Variants in UPF1 observed in about 807,000 individuals in gnomAD.
UPF1 encodes the protein regulator of nonsense transcripts 1.
UPF1 carries 9 observed loss-of-function variants against 129.2 expected under a neutral mutation model. That is an observed-to-expected ratio of 0.07 (90% CI 0.04 to 0.12). The LOEUF is 0.12. UPF1 is among the 10% of genes least tolerant of loss of function. The pLI, the probability that UPF1 is intolerant of heterozygous loss-of-function variation, is 1.00. For synonymous variants in UPF1, 649 were observed against 644.9 expected (o/e 1.01, Z -0.10); for missense variants, 788 against 1,525.3 (o/e 0.52, Z 8.05).
chr19:18,858,408 G>A (rs2055741336), intron 15 of UPF1, among the ~76,000 whole-genome samples: 1 of 152,112 alleles, frequency 6.6e-6, no homozygotes, highest in Non-Finnish European at 1.5e-5. Flanking sequence ...ACCATTGCCA[G>A]TGAAATGTGT....
Position 18,832,156 on chromosome 19 carries a change from C to T in UPF1, c.-54C>T, listed in dbSNP as rs2055432060. ...GCCTGCGGCCTAGGCCTCAGCGCGG[C>T]GGCGGGCTCGAGTGCAGCGCGGAAC... is the stretch of plus-strand genomic sequence containing the variant. On this transcript the variant is annotated 5_prime_UTR_variant, in exon 1 of 24. Transcript: ENST00000262803. This position sits in a 1 kb window ranked among gnomAD's most constrained non-coding sequence, Gnocchi z 5.6. 3.4e-6 allele frequency: 5 copies of T among 1,466,464 alleles called. No individual in the cohort carries two copies. Among genetic ancestry groups the T allele is most frequent in the East Asian group, 3.0e-5 (1 of 33,636 alleles). The allele number at this position is 1,466,464 out of a possible 1,614,324, so 90.8% of individuals were successfully genotyped here. A position where few individuals can be genotyped will look rare whatever the true frequency, so the allele number is the denominator to read the frequency against.
intron 19 of UPF1, among the ~76,000 whole-genome samples, chr19:18,863,885 G>A (rs549554704): frequency 6.6e-6 from 1 of 152,290 alleles, no homozygotes; most frequent in Admixed American, 6.5e-5. Flanking sequence ...CCTTGGACAC[G>A]GGCAGTTGGA....
chr19:18,857,984 T>G (rs1245133818), intron 15 of UPF1, among the ~76,000 whole-genome samples: 1 of 152,198 alleles, frequency 6.6e-6, no homozygotes, highest in Non-Finnish European at 1.5e-5. Flanking sequence ...CTCACACTGC[T>G]GGTGACCCCC....
chr19:18,836,389 T>TC (rs2055483473), intron 1 of UPF1, among the ~76,000 whole-genome samples: 1 of 152,216 alleles, frequency 6.6e-6, no homozygotes, highest in Non-Finnish European at 1.5e-5. Flanking sequence ...AAACTATTGA[T>TC]ACCTGCAACA....
chr19:18,836,699 T>C (rs910125412), intron 1 of UPF1, among the ~76,000 whole-genome samples: 1 of 152,016 alleles, frequency 6.6e-6, no homozygotes, highest in Non-Finnish European at 1.5e-5. Flanking sequence ...ATGTCAGTTA[T>C]GCCTCAATGA....
intron 15 of UPF1, among the ~76,000 whole-genome samples, chr19:18,858,188 T>A (rs2055739265): frequency 6.6e-6 from 1 of 152,216 alleles, no homozygotes; most frequent in Non-Finnish European, 1.5e-5. Context: ...CCCTGGGTAT[T>A]CACCCCAAGG....
intron 1 of UPF1, among the ~76,000 whole-genome samples, chr19:18,840,966 T>A (rs1028121783): frequency 6.6e-6 from 1 of 152,202 alleles, no homozygotes; most frequent in African/African-American, 2.4e-5. Flanking sequence ...CATGGCATCT[T>A]CCTGAAGCAT....
At chr19:18,860,137 G>A in intron 15 of UPF1, 184 bp from the exon 16 acceptor site, 3 of 637,456 alleles carry the variant, frequency 4.7e-6, no homozygotes, top group Admixed American at 2.5e-5. Flanking sequence ...CCTCAGCCTT[G>A]CCCAATCCTG....
chr19:18,842,240 C>T (rs1227702925), intron 1 of UPF1, among the ~76,000 whole-genome samples: 1 of 152,172 alleles, frequency 6.6e-6, no homozygotes, highest in South Asian at 2.1e-4. Context: ...CACGTGCAGT[C>T]ATTAACTGGG....
At chr19:18,863,261 G>T in intron 18 of UPF1, 177 bp from the exon 19 acceptor site, 1 of 763,680 alleles carries the variant, frequency 1.3e-6, no homozygotes, top group Non-Finnish European at 2.1e-6. Context: ...TGCAGGGTCA[G>T]TGGCTTGGCA....
chr19:18,843,518 G>GTTTTTT (rs35934501), intron 1 of UPF1, among the ~76,000 whole-genome samples: 3 of 124,022 alleles, frequency 2.4e-5, no homozygotes, highest in Non-Finnish European at 3.2e-5. Flanking sequence ...GACTTTCTTT[G>GTTTTTT]TTTTTTTTTT....
At chr19:18,844,552 C>T (rs995621934) in intron 1 of UPF1, among the ~76,000 whole-genome samples, 5 of 151,078 alleles carry the variant, frequency 3.3e-5, no homozygotes, top group Admixed American at 2.6e-4. Context: ...AGGCTGGTCT[C>T]GAACTCCTGA....
At position 18,832,238 on chromosome 19, in the gene UPF1, C is replaced by T; in HGVS notation, c.29C>T (p.Ser10Leu). 6.5e-7 allele frequency: 1 copy of T among 1,549,022 alleles called. No homozygotes were observed. The highest frequency in any genetic ancestry group is 8.7e-7 in the Non-Finnish European group (1 of 1,147,284). The change falls in exon 1 of 24, where the codon TCG (serine) becomes TTG (leucine). Residue 10 changes from serine to leucine, a missense_variant. Around this residue, in one of 6 missense-constraint regions of UPF1, gnomAD observed 112 missense variants for 128.2 expected, o/e 0.87. Coordinates refer to ENST00000262803, the MANE Select transcript of UPF1 (RefSeq NM_002911.4). This position sits in a 1 kb window ranked among gnomAD's most constrained non-coding sequence, Gnocchi z 5.6. ...AGCGTGGAGGCGTACGGGCCCAGCT[C>T]GCAGACTCTCACTTTCCTGGACACG... The part of the protein sequence containing the change: MSVEAYGPS[S>L]QTLTFLDTEE...
intron 1 of UPF1, among the ~76,000 whole-genome samples, chr19:18,845,757 T>G (rs1159106017): frequency 2.0e-5 from 3 of 151,720 alleles, no homozygotes; most frequent in South Asian, 2.1e-4. Flanking sequence ...AGGCGGGGGT[T>G]AGACCAGCTG....
chr19:18,856,642 C>T (rs1328360112), intron 13 of UPF1, among the ~76,000 whole-genome samples: 1 of 152,230 alleles, frequency 6.6e-6, no homozygotes, highest in Non-Finnish European at 1.5e-5. Flanking sequence ...TCGTGAGGCG[C>T]AGAGCTCTTG....
intron 17 of UPF1, 102 bp downstream of exon 17, chr19:18,861,084 CTCAGAATGGCCCAGGAAGCA>C: frequency 7.0e-7 from 1 of 1,430,660 alleles, no homozygotes; most frequent in South Asian, 1.4e-5. Flanking sequence ...CTGGCTGGAG[CTCAGAATGGCCCAGGAAGCA>C]CCAGCTGGCC....
Position 18,865,834 on chromosome 19 carries a change from A to G in UPF1, c.3237+56A>G, listed in dbSNP as rs2055837857. The G allele has an allele frequency of 6.2e-7, 1 of 1,604,254 alleles. No homozygotes were observed. The highest frequency in any genetic ancestry group is 1.3e-5 in the African/African-American group (1 of 74,808). On this transcript the variant is annotated intron_variant, in intron 22 of 23. Transcript: ENST00000262803. This position sits in a 1 kb window ranked among gnomAD's most constrained non-coding sequence, Gnocchi z 6.1. ...GAGTGAGGGTGGGGCTATGCACCTG[A>G]AACATTCCCTCTGAAGAGCCCCAGA...
In UPF1 at chr19:18,850,007, G is replaced by T; in HGVS notation, c.462-68G>T. On this transcript the variant is annotated intron_variant, in intron 3 of 23. Coordinates refer to ENST00000262803, the MANE Select transcript of UPF1 (RefSeq NM_002911.4). The surrounding 1 kb of genome is among the most constrained non-coding windows in gnomAD (Gnocchi z 7.1). ...AACGGTACCGGAACTTTTAACAGGGGCCCGAAAATTGGAAGTGGTGAAAAG... is the reference window on the plus strand; with the variant it reads ...AACGGTACCGGAACTTTTAACAGGGTCCCGAAAATTGGAAGTGGTGAAAAG... 6.3e-7 allele frequency: 1 copy of T among 1,594,268 alleles called. No individual in the cohort carries two copies. Among genetic ancestry groups the T allele is most frequent in the Non-Finnish European group, 8.6e-7 (1 of 1,165,738 alleles).
At chr19:18,849,719 G>A (rs1308804419) in intron 3 of UPF1, 1 of 268,432 alleles carries the variant, frequency 3.7e-6, no homozygotes, top group African/African-American at 2.3e-5. Flanking sequence ...GGAAAGAAGG[G>A]GCTGGGGCCT....
Sources: gnomAD v4.1 joint callset for allele counts (sites outside exome capture counted in the v4.1 genomes callset) on GRCh38, gnomAD v4.1.1 for gene constraint, gnomAD v4.1.1 regional missense constraint, Gnocchi (gnomAD v3.1) non-coding constraint, MANE v1.5 for transcripts, NCBI Gene and HGNC (gene_info 2026-07-23, HGNC 2026-07-21) for gene names.